PSMA6: variants seen among roughly 807,000 people sequenced by gnomAD.
The protein encoded by PSMA6 is proteasome 20S subunit alpha 6.
For missense variants in PSMA6, 170 were observed against 294.8 expected, an observed-to-expected ratio of 0.58 and a Z score of 3.10; for synonymous variants, 88 against 97.7, an observed-to-expected ratio of 0.90 and a Z score of 0.59.
At chr14:35,294,949 G>A (rs2051554813) in intron 1 of PSMA6, among the ~76,000 whole-genome samples, 2 of 152,158 alleles carry the variant, frequency 1.3e-5, no homozygotes, top group African/African-American at 4.8e-5. Flanking sequence ...GAGATTAATG[G>A]AAGGTAACTA....
At chr14:35,278,812 G>T in intron 1 of PSMA6, 1 of 1,432,450 alleles carries the variant, frequency 7.0e-7, no homozygotes, top group Non-Finnish European at 9.4e-7. Context: ...TCTTTACAAT[G>T]ACCTTGCTCT....
intron 1 of PSMA6, among the ~76,000 whole-genome samples, chr14:35,284,588 G>A (rs968511498): frequency 3.3e-5 from 5 of 152,136 alleles, no homozygotes; most frequent in African/African-American, 9.7e-5. Context: ...AGGGAGCTCA[G>A]TAAATGTTGA....
chr14:35,305,619 A>G (rs2051807864), intron 1 of PSMA6, among the ~76,000 whole-genome samples: 1 of 152,230 alleles, frequency 6.6e-6, no homozygotes, highest in Non-Finnish European at 1.5e-5. Flanking sequence ...TTTTGAACAG[A>G]TGAGGCCTTG....
At chr14:35,310,627 C>G (rs2051926296) in intron 3 of PSMA6, 113 bp from the exon 4 acceptor site, 3 of 1,023,576 alleles carry the variant, frequency 2.9e-6, no homozygotes, top group African/African-American at 3.3e-5. Flanking sequence ...CGGACCCTTT[C>G]TCTTTAACTC....
intron 2 of PSMA6, 83 bp from the exon 3 acceptor site, chr14:35,308,831 A>G: frequency 1.0e-6 from 1 of 987,034 alleles, no homozygotes; most frequent in Non-Finnish European, 1.6e-6. Flanking sequence ...AAGCAGGGCA[A>G]ATTAAAAACA....
rs59477296 is a variant in PSMA6 at position 35,314,947 on chromosome 14, ATG to A, written c.683+528_683+529del. 977 of 141,152 alleles carry A rather than the reference ATG, an allele frequency of 6.9e-3. 9 individuals are homozygous for A. The highest frequency in any genetic ancestry group is 0.019 in the African/African-American group (694 of 37,178). 8.7% of individuals were successfully genotyped at this position (141,152 alleles called of 1,614,324 possible). On this transcript the variant is annotated intron_variant, in intron 6 of 6. Coordinates refer to ENST00000261479, the MANE Select transcript of PSMA6 (RefSeq NM_002791.3). Reference sequence around the variant, plus strand: ...CAGCTAATTGACTTGCAGTTGCTGGATGTGTGTGTGTGTGTGTGTGTGTGTGT... The same window carrying A: ...CAGCTAATTGACTTGCAGTTGCTGGATGTGTGTGTGTGTGTGTGTGTGTGT...
rs2051499789 is a variant in PSMA6 at position 35,292,390 on chromosome 14, T to A, written c.-87T>A. The A allele has an allele frequency of 6.5e-7, 1 of 1,542,878 alleles. No individual in the cohort carries two copies. The highest frequency in any genetic ancestry group is 8.7e-7 in the Non-Finnish European group (1 of 1,145,400). On this transcript the variant is annotated 5_prime_UTR_variant, in exon 1 of 7. Coordinates refer to ENST00000261479, the MANE Select transcript of PSMA6 (RefSeq NM_002791.3). ...AACGCGGCTGGTACCCCGGAAGCAG[T>A]CGCTGCAACTTCCGGGAGGTGCTTG...
chr14:35,301,059 G>A (rs1359274786), intron 1 of PSMA6, among the ~76,000 whole-genome samples: 2 of 152,096 alleles, frequency 1.3e-5, no homozygotes, highest in African/African-American at 2.4e-5. Context: ...CTGGTTTAGG[G>A]TAAAATCATC....
rs1396805025 is a variant in PSMA6 at position 35,310,392 on chromosome 14, G to C, written c.254-348G>C. 1.1e-5 allele frequency: 4 copies of C among 349,454 alleles called. No individual in the cohort carries two copies. The East Asian group carries it at 3.2e-4, about 28-fold the overall frequency. The allele number at this position is 349,454 out of a possible 1,614,324, so 21.6% of individuals were successfully genotyped here. A position where few individuals can be genotyped will look rare whatever the true frequency, so the allele number is the denominator to read the frequency against. ...GCTGGTCTCAAACTCCTGGCCTCAA[G>C]TGATCCGCCTCTCTTGGCCTCCCAA... On this transcript the variant is annotated intron_variant, in intron 3 of 6. Transcript: ENST00000261479.
intron 2 of PSMA6, 69 bp downstream of exon 2, chr14:35,308,157 C>G (rs959335790): frequency 1.3e-6 from 2 of 1,571,364 alleles, no homozygotes; most frequent in African/African-American, 1.4e-5. Context: ...TGCAGTGGCT[C>G]ACACCTGTAA....
rs149756603 is a variant in PSMA6, at chr14:35,308,050, A to C, written c.133A>C (p.Lys45Gln). Residue 45 changes from lysine (K) to glutamine (Q), a missense_variant, in exon 2 of 7, where the codon AAA (lysine) becomes CAA (glutamine). Transcript: ENST00000261479. ...GGLTSVAVRG[K>Q]DCAVIVTQKK... Reference sequence around the variant, plus strand: ...CCTTACATCAGTAGCTGTCAGAGGGAAAGACTGTGCAGTAATTGTCACACA... The same window carrying C: ...CCTTACATCAGTAGCTGTCAGAGGGCAAGACTGTGCAGTAATTGTCACACA... 2,535 of 1,613,998 alleles carry C rather than the reference A, an allele frequency of 1.6e-3. 7 individuals carry two copies. The highest frequency in any genetic ancestry group is 2.0e-3 in the Non-Finnish European group (2,344 of 1,179,896).
At chr14:35,312,739 A>G (rs751508796) in intron 4 of PSMA6, 142 bp from the exon 5 acceptor site, 21 of 644,488 alleles carry the variant, frequency 3.3e-5, no homozygotes, top group Non-Finnish European at 4.8e-5. Context: ...CCTGTATTTT[A>G]TCAGTTTTCT....
intron 1 of PSMA6, among the ~76,000 whole-genome samples, chr14:35,294,032 G>A (rs1276577322): frequency 3.9e-5 from 6 of 152,224 alleles, no homozygotes; most frequent in African/African-American, 1.4e-4. Flanking sequence ...TATCTAGACA[G>A]AATGATTTTT....
chr14:35,310,408 G>T (rs1361529558), intron 3 of PSMA6: 2 of 350,608 alleles, frequency 5.7e-6, no homozygotes, highest in South Asian at 4.4e-5. Flanking sequence ...CGCCTCTCTT[G>T]GCCTCCCAAA....
At chr14:35,307,392 A>G (rs1320643903) in intron 1 of PSMA6, among the ~76,000 whole-genome samples, 1 of 152,228 alleles carries the variant, frequency 6.6e-6, no homozygotes, top group Non-Finnish European at 1.5e-5. Flanking sequence ...ACCTTTTAAA[A>G]TGACAAAACA....
At chr14:35,314,653 C>CT in intron 6 of PSMA6, 198 bp downstream of exon 6, 2 of 521,256 alleles carry the variant, frequency 3.8e-6, no homozygotes, top group African/African-American at 4.0e-5. Context: ...GAAAGCTTTT[C>CT]TCCTTATTTC....
chr14:35,297,149 C>A (rs1388607847), intron 1 of PSMA6, among the ~76,000 whole-genome samples: 1 of 99,114 alleles, frequency 1.0e-5, no homozygotes, highest in Non-Finnish European at 2.1e-5. Flanking sequence ...TTTTTTTTGC[C>A]ACACAGCATT....
chr14:35,299,327 C>CTTTTTTTTTTTTTTTTTTTTTTTTTT lies in PSMA6; in HGVS notation c.76+6788_76+6789insTTTTTTTTTTTTTTTTTTTTTTTTTT, dbSNP rs71445906. Among the ~76,000 whole-genome samples, 10 of 66,004 alleles carry CTTTTTTTTTTTTTTTTTTTTTTTTTT rather than the reference C, an allele frequency of 1.5e-4. 4 individuals are homozygous for CTTTTTTTTTTTTTTTTTTTTTTTTTT. Among genetic ancestry groups the CTTTTTTTTTTTTTTTTTTTTTTTTTT allele is most frequent in the African/African-American group, 5.8e-4 (10 of 17,128 alleles). The allele number at this position is 66,004 out of a possible 152,430, so 43.3% of individuals were successfully genotyped here. A position where few individuals can be genotyped will look rare whatever the true frequency, so the allele number is the denominator to read the frequency against. The stretch of plus-strand genomic sequence containing the variant: ...TGTGAGCCGCCGCAGTGCCCAGCCT[C>CTTTTTTTTTTTTTTTTTTTTTTTTTT]TTTTTTTTTTTTTGAGATGGAGTCT... On this transcript the variant is annotated intron_variant, in intron 1 of 6. Coordinates refer to ENST00000261479, the MANE Select transcript of PSMA6 (RefSeq NM_002791.3).
chr14:35,297,126 T>G (rs1316752025), intron 1 of PSMA6, among the ~76,000 whole-genome samples: 47 of 148,550 alleles, frequency 3.2e-4, no homozygotes, highest in South Asian at 2.1e-3. Context: ...AAAGTTTTTT[T>G]TTTTTTTTTT....
Sources: gnomAD v4.1 joint callset for allele counts (sites outside exome capture counted in the v4.1 genomes callset) on GRCh38, gnomAD v4.1.1 for gene constraint, MANE v1.5 for transcripts, NCBI Gene and HGNC (gene_info 2026-07-23, HGNC 2026-07-21) for gene names.